The following RPS6KB1 variants were observed in gnomAD, a reference collection of about 807,000 sequenced individuals.
RPS6KB1 encodes ribosomal protein S6 kinase beta-1.
In RPS6KB1, 12 loss-of-function variants were observed where a neutral mutation model predicts 70.2. That is an observed-to-expected ratio of 0.17 (90% CI 0.11 to 0.28). RPS6KB1 has a LOEUF of 0.28. Among genes scored for constraint, RPS6KB1 ranks in the 10% least tolerant of loss-of-function variants. The probability of loss-of-function intolerance (pLI) is 1.00; values close to 1 mark genes in which losing one functional copy is unlikely to be tolerated. For missense variants in RPS6KB1, 270 were observed against 646.6 expected (o/e 0.42, Z 6.32); for synonymous variants, 175 against 211.2 (o/e 0.83, Z 1.49).
chr17:59,895,395 C>T (rs1170516403), intron 1 of RPS6KB1, among the ~76,000 whole-genome samples: 8 of 147,642 alleles, frequency 5.4e-5, no homozygotes, highest in Admixed American at 6.9e-5. Context: ...GATCTCGGCT[C>T]ACTGCAGCCT....
At chr17:59,939,731 A>G (rs1331123608) in intron 12 of RPS6KB1, among the ~76,000 whole-genome samples, 2 of 152,186 alleles carry the variant, frequency 1.3e-5, no homozygotes, top group East Asian at 1.9e-4. Context: ...CTGGTGTTCT[A>G]TGCTTATCTT....
intron 13 of RPS6KB1, 152 bp downstream of exon 13, chr17:59,941,095 T>C (rs1037036306): frequency 1.0e-4 from 54 of 528,530 alleles, no homozygotes; most frequent in Non-Finnish European, 1.5e-4. Flanking sequence ...TTATAACTTA[T>C]TGATGCCTAC....
chr17:59,927,900 C>T (rs1333416873), intron 5 of RPS6KB1, among the ~76,000 whole-genome samples: 1 of 151,426 alleles, frequency 6.6e-6, no homozygotes, highest in Non-Finnish European at 1.5e-5. Context: ...TGGCTCATGC[C>T]TGTAATCCCA....
At chr17:59,900,230 A>ACACACACACACACC (rs1355022894) in intron 1 of RPS6KB1, among the ~76,000 whole-genome samples, 11 of 136,830 alleles carry the variant, frequency 8.0e-5, no homozygotes, top group South Asian at 4.8e-4. Flanking sequence ...ACACACACAC[A>ACACACACACACACC]CCCCTATGTG....
chr17:59,936,141 GCA>G (rs943499941), intron 10 of RPS6KB1, 72 bp from the exon 11 acceptor site: 48 of 1,339,310 alleles, frequency 3.6e-5, no homozygotes, highest in Non-Finnish European at 4.9e-5. Flanking sequence ...AAGTAGACAA[GCA>G]CAGTCTAAAA....
intron 4 of RPS6KB1, among the ~76,000 whole-genome samples, chr17:59,917,286 T>TA (rs903771119): frequency 1.1e-4 from 17 of 150,542 alleles, no homozygotes; most frequent in Admixed American, 6.0e-4. Flanking sequence ...GCCTGGCTAA[T>TA]AAAAAAAAAT....
At chr17:59,922,781 T>C (rs770522889) in intron 4 of RPS6KB1, among the ~76,000 whole-genome samples, 1 of 151,846 alleles carries the variant, frequency 6.6e-6, no homozygotes, top group African/African-American at 2.4e-5. Flanking sequence ...CTTGACCCCG[T>C]GATCTAGCCA....
intron 1 of RPS6KB1, among the ~76,000 whole-genome samples, chr17:59,899,550 C>A (rs894428325): frequency 3.9e-5 from 6 of 152,106 alleles, no homozygotes; most frequent in African/African-American, 1.4e-4. Flanking sequence ...TTATGTAATA[C>A]CAGTTTTATC....
intron 14 of RPS6KB1, 48 bp downstream of exon 14, chr17:59,945,566 C>T: frequency 5.0e-6 from 5 of 997,604 alleles, no homozygotes; most frequent in Non-Finnish European, 7.9e-6. Flanking sequence ...AAACAACCTA[C>T]AAGAGTGTTT....
Position 59,893,526 on chromosome 17 carries a change from G to C in RPS6KB1, c.141+201G>C, listed in dbSNP as rs1310985657. Among the ~76,000 whole-genome samples the C allele has an allele frequency of 6.6e-6, 1 of 152,192 alleles. No individual in the cohort carries two copies. Among genetic ancestry groups the C allele is most frequent in the Non-Finnish European group, 1.5e-5 (1 of 68,032 alleles). Reference sequence around the variant, plus strand: ...TCTGCGGGGCTCGCAGGTGCAGGTCGCACCCTTAGCCCCAGGTCAGCGCAG... The same window carrying C: ...TCTGCGGGGCTCGCAGGTGCAGGTCCCACCCTTAGCCCCAGGTCAGCGCAG... On this transcript the variant is annotated intron_variant, in intron 1 of 14. Transcript: ENST00000225577. This position sits in a 1 kb window ranked among gnomAD's most constrained non-coding sequence, Gnocchi z 4.1.
At chr17:59,909,882 G>A (rs1333431673) in intron 1 of RPS6KB1, among the ~76,000 whole-genome samples, 1 of 152,008 alleles carries the variant, frequency 6.6e-6, no homozygotes, top group African/African-American at 2.4e-5. Context: ...CATGGTGGCA[G>A]GCACCTGTAA....
chr17:59,921,135 C>T (rs112790031), intron 4 of RPS6KB1, among the ~76,000 whole-genome samples: 1 of 152,016 alleles, frequency 6.6e-6, no homozygotes, highest in Admixed American at 6.6e-5. Flanking sequence ...AAAAAGAGTG[C>T]TTGTTTTTTT....
At position 59,946,963 on chromosome 17, in the gene RPS6KB1, A is replaced by G. The variant is rs1051424; in HGVS notation, c.*175A>G. 278,298 of 1,437,914 alleles carry G rather than the reference A, an allele frequency of 0.19. 30,046 individuals are homozygous for G. Among genetic ancestry groups the G allele is most frequent in the East Asian group, 0.42 (16,751 of 40,036 alleles). 89.1% of individuals were successfully genotyped at this position (1,437,914 alleles called of 1,614,324 possible). A position where few individuals can be genotyped will look rare whatever the true frequency, so the allele number is the denominator to read the frequency against. On this transcript the variant is annotated 3_prime_UTR_variant, in exon 15 of 15. Transcript: ENST00000225577. This position sits in a 1 kb window ranked among gnomAD's most constrained non-coding sequence, Gnocchi z 4.2. ...TTTTAAAAAATCAATCAATGGTGCA[A>G]AAAAAAACTTAAAGCAAAATAGTAT...
chr17:59,933,296 C>G (rs200285324), intron 7 of RPS6KB1, among the ~76,000 whole-genome samples: 1 of 151,646 alleles, frequency 6.6e-6, no homozygotes, highest in Non-Finnish European at 1.5e-5. Flanking sequence ...CTCCTCACTC[C>G]CCAAAACGTG....
intron 4 of RPS6KB1, among the ~76,000 whole-genome samples, chr17:59,925,866 G>A (rs899043745): frequency 5.3e-5 from 8 of 151,676 alleles, no homozygotes; most frequent in Non-Finnish European, 7.4e-5. Context: ...GGCAGATCTC[G>A]AACTCCTGGG....
chr17:59,901,998 T>TG (rs897333030), intron 1 of RPS6KB1, among the ~76,000 whole-genome samples: 1 of 124,908 alleles, frequency 8.0e-6, no homozygotes, highest in African/African-American at 3.2e-5. Flanking sequence ...CGCAACAGAA[T>TG]GAGAACCTGT....
chr17:59,920,553 T>G (rs1321203985), intron 4 of RPS6KB1, among the ~76,000 whole-genome samples: 1 of 152,198 alleles, frequency 6.6e-6, no homozygotes, highest in African/African-American at 2.4e-5. Flanking sequence ...TCTTCTTCAG[T>G]GGGTTGACAT....
rs953715679 is a variant in RPS6KB1, at chr17:59,947,718, G to A, written c.*930G>A. 1.5e-6 allele frequency: 1 copy of A among 683,322 alleles called. No individual in the cohort carries two copies. Among genetic ancestry groups the A allele is most frequent in the African/African-American group, 1.8e-5 (1 of 55,124 alleles). The allele number at this position is 683,322 out of a possible 1,614,324, so 42.3% of individuals were successfully genotyped here. The stretch of plus-strand genomic sequence containing the variant: ...CCACCTGTTCTTACACCAGTATTTG[G>A]TTCAAGACACCAAATGTCTTCAGCC... On this transcript the variant is annotated 3_prime_UTR_variant, in exon 15 of 15. Coordinates refer to ENST00000225577, the MANE Select transcript of RPS6KB1 (RefSeq NM_003161.4).
At chr17:59,908,920 ATTT>A (rs1405952501) in intron 1 of RPS6KB1, among the ~76,000 whole-genome samples, 10 of 101,716 alleles carry the variant, frequency 9.8e-5, no homozygotes, top group Non-Finnish European at 1.6e-4. Context: ...GCCCGGCCAA[ATTT>A]TTTTTTTTTT....
Sources: allele counts gnomAD v4.1 joint callset (sites outside exome capture counted in the v4.1 genomes callset), GRCh38; gene constraint gnomAD v4.1.1; non-coding constraint Gnocchi (gnomAD v3.1); transcripts MANE v1.5; gene names NCBI Gene and HGNC (gene_info 2026-07-23, HGNC 2026-07-21).